Variants in NRXN3 observed in about 807,000 individuals in gnomAD.
The protein encoded by NRXN3 is neurexin 3, also known as neurexin III.
NRXN3 carries 32 observed loss-of-function variants against 137.6 expected under a neutral mutation model. That is an observed-to-expected ratio of 0.23 (90% CI 0.18 to 0.31). The LOEUF (loss-of-function observed/expected upper bound fraction) is 0.31. NRXN3 is among the 10% of genes least tolerant of loss of function. NRXN3 has a pLI of 1.00. For missense variants in NRXN3, 1,574 were observed against 2,062.5 expected (o/e 0.76, Z 4.59); for synonymous variants, 798 against 784.5 (o/e 1.02, Z -0.29).
At chr14:79,758,405 G>A (rs2099027142) in intron 19 of NRXN3, among the ~76,000 whole-genome samples, 1 of 151,962 alleles carries the variant, frequency 6.6e-6, no homozygotes, top group Non-Finnish European at 1.5e-5. Flanking sequence ...TGGAGAGAGA[G>A]GGAGAGCAAG....
chr14:78,414,012 C>A (rs2092990183), intron 4 of NRXN3, among the ~76,000 whole-genome samples: 1 of 152,156 alleles, frequency 6.6e-6, no homozygotes, highest in Non-Finnish European at 1.5e-5. Flanking sequence ...CCTGCACATG[C>A]CCTCTTGCCT....
At chr14:78,510,814 A>T (rs1158610807) in intron 4 of NRXN3, among the ~76,000 whole-genome samples, 1 of 152,178 alleles carries the variant, frequency 6.6e-6, no homozygotes, top group African/African-American at 2.4e-5. Context: ...CAAGTGCTAT[A>T]GGTACTAACG....
intron 15 of NRXN3, among the ~76,000 whole-genome samples, chr14:79,330,220 G>C (rs1245068872): frequency 6.6e-6 from 1 of 152,038 alleles, no homozygotes; most frequent in Non-Finnish European, 1.5e-5. Flanking sequence ...ATGAACAAGG[G>C]AGCTATTGTG....
At chr14:78,678,215 T>C (rs2098030513) in intron 6 of NRXN3, among the ~76,000 whole-genome samples, 1 of 152,174 alleles carries the variant, frequency 6.6e-6, no homozygotes, top group Non-Finnish European at 1.5e-5. Flanking sequence ...ATACTGTGCA[T>C]ATCTGTACAG....
rs1702003765 is a variant in NRXN3, at chr14:79,254,402, TG to T, written c.3263-212818del. ...GGGAAGATCAGCTCATTTACAAGACTGTCACTTAATGAAGCTCCTTGGTGAC... is the reference window on the plus strand; with the variant it reads ...GGGAAGATCAGCTCATTTACAAGACTTCACTTAATGAAGCTCCTTGGTGAC... On this transcript the variant is annotated intron_variant, in intron 15 of 20. Coordinates refer to ENST00000335750, the MANE Select transcript of NRXN3 (RefSeq NM_001330195.2). Among the ~76,000 whole-genome samples the T allele has an allele frequency of 3.9e-5, 6 of 152,182 alleles. No individual in the cohort carries two copies. In the South Asian group the frequency reaches 1.2e-3, roughly 31 times the overall value.
intron 2 of NRXN3, among the ~76,000 whole-genome samples, chr14:78,256,032 A>G (rs1429766094): frequency 6.6e-6 from 1 of 152,198 alleles, no homozygotes; most frequent in Non-Finnish European, 1.5e-5. Context: ...TGTCAAGCAC[A>G]TACACATTCC....
At chr14:79,156,131 A>G (rs1410432927) in intron 15 of NRXN3, among the ~76,000 whole-genome samples, 1 of 151,868 alleles carries the variant, frequency 6.6e-6, no homozygotes, top group Non-Finnish European at 1.5e-5. Flanking sequence ...TTATTTATTC[A>G]GATCCCAGAA....
intron 19 of NRXN3, among the ~76,000 whole-genome samples, chr14:79,720,716 T>C: frequency 6.8e-6 from 1 of 146,936 alleles, no homozygotes; most frequent in South Asian, 2.1e-4. Context: ...TAAAGACAGT[T>C]AAGTCAATTG....
At chr14:79,554,133 G>A (rs2097403832) in intron 16 of NRXN3, among the ~76,000 whole-genome samples, 1 of 152,068 alleles carries the variant, frequency 6.6e-6, no homozygotes, top group Non-Finnish European at 1.5e-5. Context: ...GGAAGTTGGG[G>A]AAATAATTCA....
chr14:78,199,528 A>C (rs1424129178), intron 1 of NRXN3, among the ~76,000 whole-genome samples: 1 of 152,166 alleles, frequency 6.6e-6, no homozygotes, highest in African/African-American at 2.4e-5. Context: ...TCCATATTAC[A>C]GATAAGGAAA....
intron 8 of NRXN3, among the ~76,000 whole-genome samples, chr14:78,799,516 C>A (rs190336101): frequency 6.4e-4 from 97 of 152,278 alleles, no homozygotes; most frequent in Middle Eastern, 6.8e-3. Context: ...CTGAGCCCTC[C>A]AAACTGTTCC....
intron 15 of NRXN3, among the ~76,000 whole-genome samples, chr14:79,167,086 A>G (rs112057078): frequency 0.011 from 1,727 of 152,088 alleles, 21 homozygotes; most frequent in African/African-American, 0.036. Context: ...CATTTTTATG[A>G]CAATTTGAAA....
At chr14:78,267,988 A>T (rs1309805031) in intron 2 of NRXN3, among the ~76,000 whole-genome samples, 1 of 152,178 alleles carries the variant, frequency 6.6e-6, no homozygotes, top group African/African-American at 2.4e-5. Context: ...GATGAGAACA[A>T]AAAAAGGGTG....
chr14:79,199,743 G>A (rs375237237), intron 15 of NRXN3, among the ~76,000 whole-genome samples: 1 of 152,298 alleles, frequency 6.6e-6, no homozygotes, highest in East Asian at 1.9e-4. Flanking sequence ...GATTCAAACA[G>A]ACAAACCATG....
chr14:78,499,527 T>C (rs981832710), intron 4 of NRXN3, among the ~76,000 whole-genome samples: 26 of 152,232 alleles, frequency 1.7e-4, no homozygotes, highest in African/African-American at 5.8e-4. Flanking sequence ...TCTTTTGCTG[T>C]TTAACACATT....
chr14:79,539,205 T>G (rs1185175760), intron 16 of NRXN3, among the ~76,000 whole-genome samples: 2 of 152,056 alleles, frequency 1.3e-5, no homozygotes, highest in Non-Finnish European at 2.9e-5. Flanking sequence ...ATTTTTTTTT[T>G]GTATTTTTAG....
intron 4 of NRXN3, among the ~76,000 whole-genome samples, chr14:78,440,897 A>G (rs1467146467): frequency 6.6e-6 from 1 of 152,114 alleles, no homozygotes; most frequent in African/African-American, 2.4e-5. Flanking sequence ...GTTTGTACAA[A>G]TCCTATTGCC....
At chr14:78,834,206 G>A (rs1327026643) in intron 10 of NRXN3, among the ~76,000 whole-genome samples, 1 of 152,098 alleles carries the variant, frequency 6.6e-6, no homozygotes, top group Non-Finnish European at 1.5e-5. Context: ...GAAGCTTGAG[G>A]AAACATTTAT....
At chr14:78,901,349 T>A (rs1328040129) in intron 10 of NRXN3, among the ~76,000 whole-genome samples, 2 of 151,978 alleles carry the variant, frequency 1.3e-5, no homozygotes, top group Non-Finnish European at 2.9e-5. Flanking sequence ...TGCTTTCCCT[T>A]TGTATTTCTC....
Sources: allele counts gnomAD v4.1 joint callset (sites outside exome capture counted in the v4.1 genomes callset), GRCh38; gene constraint gnomAD v4.1.1; transcripts MANE v1.5; gene names NCBI Gene and HGNC (gene_info 2026-07-23, HGNC 2026-07-21).